ANAPC15: variants seen among roughly 807,000 people sequenced by gnomAD.
The protein encoded by ANAPC15 is anaphase promoting complex subunit 15, also known as anaphase-promoting complex subunit 15.
A neutral mutation model predicts 19.8 loss-of-function variants in ANAPC15; 13 were observed. That is an observed-to-expected ratio of 0.66 (90% CI 0.43 to 1.04). The LOEUF (loss-of-function observed/expected upper bound fraction) is 1.04, where lower values mean the gene tolerates loss of function less well. ANAPC15 is among the 50% of genes least tolerant of loss of function. ANAPC15 has a pLI of 0.00. For synonymous variants in ANAPC15, 45 were observed against 50.7 expected (o/e 0.89, Z 0.47); for missense variants, 88 against 150.3 (o/e 0.59, Z 2.17).
downstream of ANAPC15, chr11:72,108,706 A>G: frequency 6.5e-7 from 1 of 1,548,964 alleles, no homozygotes; most frequent in South Asian, 1.2e-5. Flanking sequence ...ACCGGCCACG[A>G]TGTTACCTGA....
chr11:72,108,190 G>T, downstream of ANAPC15: 2 of 1,353,918 alleles, frequency 1.5e-6, no homozygotes, highest in African/African-American at 1.5e-5. Context: ...CCTTGTGAAG[G>T]ACTCCCATCT....
At chr11:72,107,173 G>A (rs1215072687), downstream of ANAPC15, 9 of 465,564 alleles carry the variant, frequency 1.9e-5, no homozygotes, top group South Asian at 2.3e-4. Flanking sequence ...ATGCTGAGGT[G>A]GGAGGATTGC....
At chr11:72,108,932 G>A (rs1279592770), downstream of ANAPC15, 24 of 1,513,370 alleles carry the variant, frequency 1.6e-5, no homozygotes, top group Non-Finnish European at 2.1e-5. Flanking sequence ...CTGAGGTCCA[G>A]GCCCAGGGGT....
At chr11:72,107,766 G>A (rs1945833112), downstream of ANAPC15, among the ~76,000 whole-genome samples, 3 of 152,180 alleles carry the variant, frequency 2.0e-5, no homozygotes, top group South Asian at 6.2e-4. Context: ...TGTAGGAGAC[G>A]GGGACCAGGA....
chr11:72,108,531 C>T (rs919030245), downstream of ANAPC15: 2 of 1,349,960 alleles, frequency 1.5e-6, no homozygotes, highest in African/African-American at 1.5e-5. Flanking sequence ...ATGAAGTAAG[C>T]CAGATCCTGG....
At chr11:72,107,643 A>G, downstream of ANAPC15, 1 of 626,000 alleles carries the variant, frequency 1.6e-6, no homozygotes, top group Non-Finnish European at 2.9e-6. Flanking sequence ...AAGGTCCTGA[A>G]TGCCAGGCTG....
At position 72,110,576 on chromosome 11, in the gene ANAPC15, T is replaced by C; in HGVS notation, c.148A>G (p.Asn50Asp). ...GCTGGCTTGCCAATAGGAACCAGGTTGTTGTCTTTCTCCGCGATGCTTTGG... is the reference window on the plus strand; with the variant it reads ...GCTGGCTTGCCAATAGGAACCAGGTCGTTGTCTTTCTCCGCGATGCTTTGG... ...WLQSIAEKDN[N>D]LVPIGKPASE... Residue 50 changes from asparagine to aspartate, a missense_variant, in exon 4 of 6, where the codon AAC (asparagine) becomes GAC (aspartate). Physicochemically the swap from Asn to Asp is conservative, Grantham distance 23. Transcript: ENST00000227618. 6.2e-7 allele frequency: 1 copy of C among 1,614,220 alleles called. No homozygotes were observed. The highest frequency in any genetic ancestry group is 1.1e-5 in the South Asian group (1 of 91,088).
Position 72,110,187 on chromosome 11 carries a change from A to C in ANAPC15, c.219T>G (p.Asp73Glu), listed in dbSNP as rs1373978370. The change falls in exon 5 of 6, where the codon GAT (aspartate) becomes GAG (glutamate). Residue 73 changes from aspartate to glutamate, a missense_variant. Asp to Glu is a conservative substitution (Grantham distance 45, BLOSUM62 2). Transcript: ENST00000227618. The part of the protein sequence containing the change: ...DDEEEEDDED[D>E]EDSEEDSEDD... ...CCTCTGAGTCCTCTTCACTATCCTC[A>C]TCATCTTCATCATCCTCTTCTTCCT... 5.6e-6 allele frequency: 9 copies of C among 1,613,774 alleles called. No individual in the cohort carries two copies. The highest frequency in any genetic ancestry group is 6.8e-6 in the Non-Finnish European group (8 of 1,179,982).
downstream of ANAPC15, chr11:72,107,095 C>G (rs1945762384): frequency 7.2e-6 from 2 of 278,058 alleles, no homozygotes; most frequent in African/African-American, 4.5e-5. Flanking sequence ...GCAAGACCCC[C>G]GTTTCTACAA....
intron 3 of ANAPC15, 74 bp from the exon 4 acceptor site, chr11:72,110,677 C>T: frequency 6.4e-7 from 1 of 1,560,252 alleles, no homozygotes; most frequent in Non-Finnish European, 8.8e-7. Flanking sequence ...CTGGCCCATT[C>T]TGCCCAGAAG....
At chr11:72,107,854 G>A, downstream of ANAPC15, 1 of 1,520,350 alleles carries the variant, frequency 6.6e-7, no homozygotes, top group Non-Finnish European at 8.9e-7. Flanking sequence ...GTAGGCATTT[G>A]AGATATCTTT....
At chr11:72,112,192 G>T (rs879611576) in intron 1 of ANAPC15, 4 of 153,750 alleles carry the variant, frequency 2.6e-5, no homozygotes, top group Non-Finnish European at 4.4e-5. Context: ...CCCAACCCGC[G>T]TAATTAGGCA....
chr11:72,106,441 G>A, downstream of ANAPC15: 2 of 438,406 alleles, frequency 4.6e-6, no homozygotes, highest in South Asian at 1.2e-4. Context: ...GAGAGGGGTA[G>A]AGGCCACAGA....
chr11:72,106,940 CA>C (rs34155157), downstream of ANAPC15: 20,057 of 82,404 alleles, frequency 0.24, 2,503 homozygotes, highest in African/African-American at 0.46. Context: ...GAACCTGTCT[CA>C]AAAAAAAAAA....
At chr11:72,109,084 G>C, downstream of ANAPC15, 1 of 636,424 alleles carries the variant, frequency 1.6e-6, no homozygotes, top group South Asian at 2.1e-5. Flanking sequence ...CCTCTACACT[G>C]ACCTCAAGTG....
At chr11:72,112,547 A>G in intron 1 of ANAPC15, 103 bp downstream of exon 1, 1 of 401,840 alleles carries the variant, frequency 2.5e-6, no homozygotes, top group South Asian at 1.8e-5. Context: ...AAGGACTCTC[A>G]ATATGGAGCT....
chr11:72,108,664 G>T, downstream of ANAPC15: 1 of 1,527,544 alleles, frequency 6.5e-7, no homozygotes. Context: ...CCCAGTATCA[G>T]CTGAGTCGGG....
Position 72,109,744 on chromosome 11 carries a change from A to G in ANAPC15, c.*137T>C. On this transcript the variant is annotated 3_prime_UTR_variant, in exon 6 of 6. Transcript: ENST00000227618. ...GGGGCCAAAGAGACCAGATCCTGGC[A>G]GCAGCTGAGGAGGTGCCCAAGGGCA... is the stretch of plus-strand genomic sequence containing the variant. 9.7e-7 allele frequency: 1 copy of G among 1,032,556 alleles called. No individual in the cohort carries two copies. 64.0% of individuals were successfully genotyped at this position (1,032,556 alleles called of 1,614,324 possible).
rs1946189799 is a variant in ANAPC15, at chr11:72,109,791, A to C, written c.*90T>G. ...GGCACTTTCAGGCACTGGGGCCATC[A>C]GCTGGTTCTGTGGGCAGGGGTTGGG... On this transcript the variant is annotated 3_prime_UTR_variant, in exon 6 of 6. Transcript: ENST00000227618. The C allele has an allele frequency of 6.5e-7, 1 of 1,537,204 alleles. No individual in the cohort carries two copies. Among genetic ancestry groups the C allele is most frequent in the African/African-American group, 1.4e-5 (1 of 73,358 alleles).
Sources: allele counts gnomAD v4.1 joint callset (sites outside exome capture counted in the v4.1 genomes callset), GRCh38; gene constraint gnomAD v4.1.1; transcripts MANE v1.5; gene names NCBI Gene and HGNC (gene_info 2026-07-23, HGNC 2026-07-21).